Variants in PGPEP1L observed in about 807,000 individuals in gnomAD.
PGPEP1L encodes pyroglutamyl-peptidase I like.
In PGPEP1L, 7 loss-of-function variants were observed where a neutral mutation model predicts 6.0. That is an observed-to-expected ratio of 1.17 (90% CI 0.66 to 2.19). The LOEUF (loss-of-function observed/expected upper bound fraction) is 2.19. Ranked by LOEUF, PGPEP1L falls within the 30% of genes most tolerant of loss-of-function variation. The pLI is 0.00. For synonymous variants in PGPEP1L, 103 were observed against 83.9 expected (o/e 1.23, Z -1.24); for missense variants, 209 against 192.5 (o/e 1.09, Z -0.51).
chr15:98,995,606 G>A (rs567057749), intron 2 of PGPEP1L, among the ~76,000 whole-genome samples: 1 of 152,320 alleles, frequency 6.6e-6, no homozygotes, highest in East Asian at 1.9e-4. Flanking sequence ...TGAGGCAGGA[G>A]AATCTCTTGA....
chr15:98,972,591 G>A (rs528619675), intron 2 of PGPEP1L, among the ~76,000 whole-genome samples: 242 of 151,934 alleles, frequency 1.6e-3, no homozygotes, highest in African/African-American at 5.5e-3. Context: ...GCAGTGGGCC[G>A]GGCACAGTGG....
At chr15:99,005,986 G>A (rs369847630) in intron 1 of PGPEP1L, among the ~76,000 whole-genome samples, 1 of 151,998 alleles carries the variant, frequency 6.6e-6, no homozygotes, top group Non-Finnish European at 1.5e-5. Flanking sequence ...ATTATGATTT[G>A]GTAAAATTTG....
Position 98,968,424 on chromosome 15 carries a change from G to C in PGPEP1L, c.*54C>G. The C allele has an allele frequency of 6.5e-7, 1 of 1,545,650 alleles. No individual in the cohort carries two copies. The highest frequency in any genetic ancestry group is 8.8e-7 in the Non-Finnish European group (1 of 1,132,722). On this transcript the variant is annotated 3_prime_UTR_variant, in exon 5 of 5. Coordinates refer to ENST00000535714, the MANE Select transcript of PGPEP1L (RefSeq NM_001167902.2). The stretch of plus-strand genomic sequence containing the variant: ...AAAAAGTTTCTCAATGCACAGTTGA[G>C]TGCTACATACAGGATTGAAACATTC...
chr15:99,002,905 T>C (rs1331796779), intron 2 of PGPEP1L, among the ~76,000 whole-genome samples: 8 of 152,208 alleles, frequency 5.3e-5, no homozygotes, highest in Admixed American at 5.2e-4. Context: ...TGTGACTAAA[T>C]GTCAGTCTCT....
intron 2 of PGPEP1L, among the ~76,000 whole-genome samples, chr15:98,993,797 A>G (rs2017850762): frequency 6.6e-6 from 1 of 151,966 alleles, no homozygotes; most frequent in South Asian, 2.1e-4. Context: ...CGTTCTGCAC[A>G]TGTACCCCAG....
Position 98,968,668 on chromosome 15 carries a change from G to C in PGPEP1L, c.239C>G (p.Ser80Cys). 6.3e-7 allele frequency: 1 copy of C among 1,583,390 alleles called. No individual in the cohort carries two copies. The highest frequency in any genetic ancestry group is 1.2e-5 in the South Asian group (1 of 86,660). ...CGCGCAGCCCTTTCCATGATGCAGA[G>C]ACAGGTAATAGGTATAATCACAGAC... ...RYVCDYTYYL[S>C]LHHGKGCAAL... Residue 80 changes from serine (S) to cysteine (C), a missense_variant, in exon 5 of 5, where the codon TCT (serine) becomes TGT (cysteine). Ser to Cys is a moderately radical substitution (Grantham distance 112). Coordinates refer to ENST00000535714, the MANE Select transcript of PGPEP1L (RefSeq NM_001167902.2).
intron 2 of PGPEP1L, chr15:98,997,987 T>TG (rs2017910974): frequency 6.6e-6 from 1 of 152,402 alleles, no homozygotes; most frequent in South Asian, 2.1e-4. Context: ...CCCATGCACT[T>TG]GTTTTTCCCC....
intron 2 of PGPEP1L, among the ~76,000 whole-genome samples, chr15:98,982,687 T>A (rs2017682048): frequency 1.4e-5 from 2 of 142,730 alleles, no homozygotes; most frequent in Admixed American, 1.4e-4. Context: ...ACTCTGGTTA[T>A]TTTTATCTGA....
At chr15:98,975,490 GAAAT>G (rs2017555354) in intron 2 of PGPEP1L, among the ~76,000 whole-genome samples, 1 of 152,200 alleles carries the variant, frequency 6.6e-6, no homozygotes, top group African/African-American at 2.4e-5. Context: ...TCAGCACAAA[GAAAT>G]AAGTGTTTGA....
At chr15:98,969,726 C>G in intron 3 of PGPEP1L, 75 bp from the exon 4 acceptor site, 1 of 1,479,546 alleles carries the variant, frequency 6.8e-7, no homozygotes, top group Non-Finnish European at 9.3e-7. Context: ...GCAGAAGGGG[C>G]CACTCCTTTT....
chr15:98,969,728 A>T, intron 3 of PGPEP1L, 77 bp from the exon 4 acceptor site: 1 of 1,462,802 alleles, frequency 6.8e-7, no homozygotes, highest in South Asian at 1.1e-5. Context: ...AGAAGGGGCC[A>T]CTCCTTTTGA....
At chr15:98,984,009 C>CTTTTTTTTTTTTTTTTTTTTTT (rs71456904) in intron 2 of PGPEP1L, among the ~76,000 whole-genome samples, 1 of 115,728 alleles carries the variant, frequency 8.6e-6, no homozygotes, top group African/African-American at 3.5e-5. Context: ...AGTAAGTAGT[C>CTTTTTTTTTTTTTTTTTTTTTT]TTTTTTTTTT....
At chr15:98,981,265 G>A (rs1362432586) in intron 2 of PGPEP1L, among the ~76,000 whole-genome samples, 8 of 152,064 alleles carry the variant, frequency 5.3e-5, no homozygotes, top group African/African-American at 1.9e-4. Flanking sequence ...GGCCGAGGCG[G>A]GCGGATCACG....
At chr15:98,999,354 T>C (rs752204044) in intron 2 of PGPEP1L, among the ~76,000 whole-genome samples, 12 of 152,182 alleles carry the variant, frequency 7.9e-5, no homozygotes, top group Admixed American at 6.5e-4. Context: ...TTAGCTATCA[T>C]AGAAATACAA....
intron 2 of PGPEP1L, among the ~76,000 whole-genome samples, chr15:98,982,316 G>A (rs2017676240): frequency 6.6e-6 from 1 of 152,072 alleles, no homozygotes; most frequent in South Asian, 2.1e-4. Flanking sequence ...CAGGCTCTTT[G>A]CCATGGACTC....
At chr15:98,996,684 T>C (rs2151764748) in intron 2 of PGPEP1L, among the ~76,000 whole-genome samples, 1 of 152,224 alleles carries the variant, frequency 6.6e-6, no homozygotes, top group East Asian at 1.9e-4. Flanking sequence ...TGCCTGTGTA[T>C]CCATGTGTGC....
intron 2 of PGPEP1L, among the ~76,000 whole-genome samples, chr15:98,978,047 T>C (rs1359136320): frequency 2.6e-5 from 4 of 152,224 alleles, no homozygotes; most frequent in Non-Finnish European, 1.5e-5. Flanking sequence ...GGCTGTTGGC[T>C]GAGGGCTGCT....
intron 2 of PGPEP1L, among the ~76,000 whole-genome samples, chr15:99,000,907 G>A (rs2017958300): frequency 6.6e-6 from 1 of 152,114 alleles, no homozygotes; most frequent in Non-Finnish European, 1.5e-5. Context: ...CAATCTTGCT[G>A]CTGCTCATTC....
intron 2 of PGPEP1L, among the ~76,000 whole-genome samples, chr15:98,990,876 C>T (rs557089898): frequency 3.9e-5 from 6 of 152,182 alleles, no homozygotes; most frequent in African/African-American, 1.4e-4. Flanking sequence ...GGGTAAATAA[C>T]GAAATTGAAG....
Sources: allele counts gnomAD v4.1 joint callset (sites outside exome capture counted in the v4.1 genomes callset), GRCh38; gene constraint gnomAD v4.1.1; transcripts MANE v1.5; gene names NCBI Gene and HGNC (gene_info 2026-07-23, HGNC 2026-07-21).